The following ZBTB16 variants were observed in gnomAD, a reference collection of about 807,000 sequenced individuals.
ZBTB16 encodes the protein zinc finger and BTB domain containing 16, also known as zinc finger and BTB domain-containing protein 16.
Under a neutral mutation model 56.8 loss-of-function variants are expected in ZBTB16, and 8 were observed. The ratio of observed to expected loss-of-function variants is 0.14; its 90% CI spans 0.08 to 0.25. The LOEUF (loss-of-function observed/expected upper bound fraction) is 0.25. Among genes scored for constraint, ZBTB16 ranks in the 10% least tolerant of loss-of-function variants. The probability of loss-of-function intolerance (pLI) is 1.00; values close to 1 mark genes in which losing one functional copy is unlikely to be tolerated. For missense variants in ZBTB16, 625 were observed against 903.0 expected, an observed-to-expected ratio of 0.69 and a Z score of 3.95; for synonymous variants, 363 against 368.5, an observed-to-expected ratio of 0.98 and a Z score of 0.17.
intron 2 of ZBTB16, among the ~76,000 whole-genome samples, chr11:114,118,553 A>G (rs1941246368): frequency 6.6e-6 from 1 of 152,108 alleles, no homozygotes; most frequent in Admixed American, 6.6e-5. Context: ...CTTGGAAAGG[A>G]TTTATTTAAT....
intron 3 of ZBTB16, among the ~76,000 whole-genome samples, chr11:114,171,641 C>T (rs751732735): frequency 1.3e-5 from 2 of 152,322 alleles, no homozygotes; most frequent in Admixed American, 6.5e-5. Context: ...ACAAGGCCGG[C>T]GTGGCTTTCT....
chr11:114,210,793 A>G (rs1198857187), intron 4 of ZBTB16: 1 of 218,628 alleles, frequency 4.6e-6, no homozygotes, highest in Non-Finnish European at 9.2e-6. Flanking sequence ...AAGGACAGAG[A>G]TGAGAATCTT....
intron 2 of ZBTB16, among the ~76,000 whole-genome samples, chr11:114,072,598 G>T (rs1157186582): frequency 6.6e-6 from 1 of 152,174 alleles, no homozygotes; most frequent in East Asian, 1.9e-4. Flanking sequence ...GGACTCAGCA[G>T]ACATTGTTTT....
rs3057730 is a variant in ZBTB16 at position 114,166,201 on chromosome 11, C to CGTGTGT, written c.1366+9808_1366+9813dup. Among the ~76,000 whole-genome samples, 632 of 134,158 alleles carry CGTGTGT rather than the reference C, an allele frequency of 4.7e-3. 3 individuals are homozygous for CGTGTGT. Among genetic ancestry groups the CGTGTGT allele is most frequent in the South Asian group, 0.01 (39 of 3,788 alleles). 88.0% of individuals were successfully genotyped at this position (134,158 alleles called of 152,430 possible). A position where few individuals can be genotyped will look rare whatever the true frequency, so the allele number is the denominator to read the frequency against. ...TATCGTGGGGCAGAGGACTGGTCTA[C>CGTGTGT]GTGTGTGTGTGTGTGTGTGTGTGTG... On this transcript the variant is annotated intron_variant, in intron 3 of 6. Transcript: ENST00000335953.
chr11:114,061,021 C>A (rs1389550248), intron 1 of ZBTB16, among the ~76,000 whole-genome samples: 1 of 152,202 alleles, frequency 6.6e-6, no homozygotes, highest in South Asian at 2.1e-4. Flanking sequence ...CGTTCCTCCC[C>A]GTCTCTTTCG....
intron 3 of ZBTB16, among the ~76,000 whole-genome samples, chr11:114,167,026 A>C (rs1451238517): frequency 6.6e-6 from 1 of 152,172 alleles, no homozygotes; most frequent in African/African-American, 2.4e-5. Flanking sequence ...GGGAAAAAAT[A>C]ACAGCAGCAG....
intron 2 of ZBTB16, among the ~76,000 whole-genome samples, chr11:114,097,626 A>T (rs1221200925): frequency 6.6e-6 from 1 of 152,188 alleles, no homozygotes; most frequent in Non-Finnish European, 1.5e-5. Context: ...AGTATCAGCG[A>T]TCAGTCTAGC....
intron 2 of ZBTB16, among the ~76,000 whole-genome samples, chr11:114,084,450 A>G (rs916701178): frequency 1.3e-5 from 2 of 152,224 alleles, no homozygotes; most frequent in African/African-American, 4.8e-5. Flanking sequence ...AATGTATATC[A>G]TCCCTTTTCT....
intron 2 of ZBTB16, among the ~76,000 whole-genome samples, chr11:114,129,368 G>A (rs987834929): frequency 1.3e-5 from 2 of 152,260 alleles, no homozygotes; most frequent in African/African-American, 4.8e-5. Flanking sequence ...GTAGGATGGT[G>A]TCGTGTGTGG....
At position 114,242,794 on chromosome 11, in the gene ZBTB16, C is replaced by T. The variant is rs1002522308; in HGVS notation, c.1624+457C>T. Among the ~76,000 whole-genome samples, 11 of 152,212 alleles carry T rather than the reference C, an allele frequency of 7.2e-5. No homozygotes were observed. In the South Asian group the frequency reaches 1.9e-3, roughly 26 times the overall value. On this transcript the variant is annotated intron_variant, in intron 5 of 6. Coordinates refer to ENST00000335953, the MANE Select transcript of ZBTB16 (RefSeq NM_006006.6). ...CTCTATCCATACACATTTCTGAAGT[C>T]AGCTTCGGGCTTCTGAGGGCAAGTT...
At chr11:114,205,604 T>C (rs1943849939) in intron 4 of ZBTB16, among the ~76,000 whole-genome samples, 2 of 152,138 alleles carry the variant, frequency 1.3e-5, no homozygotes, top group South Asian at 4.1e-4. Context: ...AAATATAAAA[T>C]GCTTCCAGCC....
intron 2 of ZBTB16, among the ~76,000 whole-genome samples, chr11:114,128,161 T>G (rs1941562453): frequency 6.6e-6 from 1 of 152,232 alleles, no homozygotes; most frequent in Non-Finnish European, 1.5e-5. Flanking sequence ...TAGCACAGTG[T>G]GTCCACCATT....
intron 2 of ZBTB16, among the ~76,000 whole-genome samples, chr11:114,077,425 T>C (rs1939610861): frequency 6.6e-6 from 1 of 152,144 alleles, no homozygotes. Context: ...CATCTCCTGG[T>C]CATGGGGGTT....
At chr11:114,100,470 C>T (rs540557954) in intron 2 of ZBTB16, among the ~76,000 whole-genome samples, 50 of 152,270 alleles carry the variant, frequency 3.3e-4, no homozygotes, top group Non-Finnish European at 6.0e-4. Context: ...ATATAGTAGG[C>T]ATGGGGGTTG....
intron 3 of ZBTB16, among the ~76,000 whole-genome samples, chr11:114,179,720 A>T (rs1015127930): frequency 6.7e-6 from 1 of 149,414 alleles, no homozygotes; most frequent in East Asian, 2.0e-4. Context: ...AGGGATTTGA[A>T]TTTTTTTTTT....
rs77703102 is a variant in ZBTB16 at position 114,076,974 on chromosome 11, G to T, written c.1268+12406G>T. Among the ~76,000 whole-genome samples the T allele has an allele frequency of 6.1e-4, 93 of 152,266 alleles. 2 individuals are homozygous for T. In the South Asian group the frequency reaches 0.017, roughly 27 times the overall value. On this transcript the variant is annotated intron_variant, in intron 2 of 6. Coordinates refer to ENST00000335953, the MANE Select transcript of ZBTB16 (RefSeq NM_006006.6). ...CCCAGCAGCCAGATTCAACGGCTGG[G>T]GGGGAGAATAGGCCAAACCTTGGCA...
At chr11:114,228,674 G>C (rs1214343476) in intron 4 of ZBTB16, among the ~76,000 whole-genome samples, 1 of 152,174 alleles carries the variant, frequency 6.6e-6, no homozygotes, top group African/African-American at 2.4e-5. Flanking sequence ...CCTTTGCAGG[G>C]CATCACAGGA....
chr11:114,244,380 C>T (rs1185480518), intron 5 of ZBTB16, among the ~76,000 whole-genome samples: 1 of 151,678 alleles, frequency 6.6e-6, no homozygotes, highest in Non-Finnish European at 1.5e-5. Context: ...GGGGCGGGGT[C>T]ACAGGTGCAC....
intron 2 of ZBTB16, among the ~76,000 whole-genome samples, chr11:114,123,555 AGAGGAC>A (rs1207475662): frequency 1.3e-5 from 2 of 152,132 alleles, no homozygotes; most frequent in South Asian, 2.1e-4. Flanking sequence ...ATGTAATTAG[AGAGGAC>A]TTTCTGGAAA....
Sources: gnomAD v4.1 joint callset for allele counts (sites outside exome capture counted in the v4.1 genomes callset) on GRCh38, gnomAD v4.1.1 for gene constraint, MANE v1.5 for transcripts, NCBI Gene and HGNC (gene_info 2026-07-23, HGNC 2026-07-21) for gene names.